Variants in HS6ST3 observed in about 807,000 individuals in gnomAD.
The protein encoded by HS6ST3 is heparan-sulfate 6-O-sulfotransferase 3.
Under a neutral mutation model 36.7 loss-of-function variants are expected in HS6ST3, and 12 were observed. The observed-to-expected ratio is 0.33, with a 90% confidence interval of 0.21 to 0.53. The LOEUF is 0.53. Among genes scored for constraint, HS6ST3 ranks in the 20% least tolerant of loss-of-function variants. The pLI is 0.95. For missense variants in HS6ST3, 584 were observed against 640.9 expected (o/e 0.91, Z 0.96); for synonymous variants, 240 against 257.5 (o/e 0.93, Z 0.65).
intron 1 of HS6ST3, among the ~76,000 whole-genome samples, chr13:96,226,552 A>T (rs1262828806): frequency 6.6e-6 from 1 of 152,198 alleles, no homozygotes. Flanking sequence ...TAAAGAAATT[A>T]AGACATTATA....
chr13:96,513,383 C>G (rs1242227326), intron 1 of HS6ST3, among the ~76,000 whole-genome samples: 1 of 152,020 alleles, frequency 6.6e-6, no homozygotes, highest in Admixed American at 6.6e-5. Context: ...CTGCTTTCTG[C>G]TCATTTGGGG....
rs539035520 is a variant in HS6ST3, at chr13:96,836,113, C to T, written c.*2915C>T. 1.3e-5 allele frequency: 2 copies of T among 152,274 alleles called. No homozygotes were observed. Among genetic ancestry groups the T allele is most frequent in the East Asian group, 3.9e-4 (2 of 5,182 alleles). The allele number at this position is 152,274 out of a possible 1,614,324, so 9.4% of individuals were successfully genotyped here. A position where few individuals can be genotyped will look rare whatever the true frequency, so the allele number is the denominator to read the frequency against. Reference sequence around the variant, plus strand: ...TGATGCCCGCAGAAGGCGTCTGGGCCTAAGGATCCATGGAAGTCAGGAGCA... The same window carrying T: ...TGATGCCCGCAGAAGGCGTCTGGGCTTAAGGATCCATGGAAGTCAGGAGCA... On this transcript the variant is annotated 3_prime_UTR_variant, in exon 2 of 2. Transcript: ENST00000376705.
chr13:96,562,562 TTAA>T (rs1311811186), intron 1 of HS6ST3, among the ~76,000 whole-genome samples: 2 of 152,092 alleles, frequency 1.3e-5, no homozygotes, highest in African/African-American at 4.8e-5. Context: ...AGAGACAATA[TTAA>T]TAATAATTAA....
chr13:96,630,119 A>G (rs558158830), intron 1 of HS6ST3, among the ~76,000 whole-genome samples: 1 of 152,164 alleles, frequency 6.6e-6, no homozygotes, highest in Admixed American at 6.5e-5. Context: ...TATTTTTTTC[A>G]TATTTCCAAG....
Position 96,346,554 on chromosome 13 carries a change from G to A in HS6ST3, c.707+254985G>A, listed in dbSNP as rs1311223974. On this transcript the variant is annotated intron_variant, in intron 1 of 1. Transcript: ENST00000376705. ...CGCGCCACTGCACTGCAGCCTGGGC[G>A]ACAGAGAGACTCCGTCTCAAAAAAA... is the stretch of plus-strand genomic sequence containing the variant. 5.5e-5 allele frequency among the ~76,000 whole-genome samples: 8 copies of A among 145,610 alleles called. No homozygotes were observed. In the East Asian group the frequency reaches 6.1e-4, roughly 11 times the overall value.
intron 1 of HS6ST3, among the ~76,000 whole-genome samples, chr13:96,378,527 A>G (rs530857661): frequency 6.6e-6 from 1 of 152,132 alleles, no homozygotes; most frequent in Non-Finnish European, 1.5e-5. Flanking sequence ...TCCCAGGGCT[A>G]TCCTGAATCT....
intron 1 of HS6ST3, among the ~76,000 whole-genome samples, chr13:96,131,311 C>G (rs2053974453): frequency 1.3e-5 from 2 of 151,862 alleles, no homozygotes; most frequent in African/African-American, 2.4e-5. Flanking sequence ...GAATGTTTTT[C>G]TTTGTTTATT....
chr13:96,660,084 C>A, intron 1 of HS6ST3, among the ~76,000 whole-genome samples: 1 of 151,922 alleles, frequency 6.6e-6, no homozygotes, highest in East Asian at 1.9e-4. Flanking sequence ...TCATAATGCA[C>A]CCTCATTTCA....
intron 1 of HS6ST3, among the ~76,000 whole-genome samples, chr13:96,741,396 T>A (rs1433107190): frequency 6.6e-6 from 1 of 152,224 alleles, no homozygotes; most frequent in Non-Finnish European, 1.5e-5. Context: ...TTATTATTAT[T>A]TTGATTAGCT....
intron 1 of HS6ST3, among the ~76,000 whole-genome samples, chr13:96,225,720 A>G (rs2054477277): frequency 6.6e-6 from 1 of 152,182 alleles, no homozygotes; most frequent in Non-Finnish European, 1.5e-5. Flanking sequence ...TTATCTGGCA[A>G]TTCTATTTAC....
At chr13:96,159,216 G>A (rs2054124920) in intron 1 of HS6ST3, among the ~76,000 whole-genome samples, 2 of 152,108 alleles carry the variant, frequency 1.3e-5, no homozygotes, top group South Asian at 4.2e-4. Flanking sequence ...CTCCAAGACA[G>A]GAAGGAAAGA....
At chr13:96,092,937 G>T (rs2053772281) in intron 1 of HS6ST3, among the ~76,000 whole-genome samples, 1 of 152,118 alleles carries the variant, frequency 6.6e-6, no homozygotes, top group East Asian at 1.9e-4. Flanking sequence ...CGGATCCTTT[G>T]CTTTTAAATA....
chr13:96,365,451 A>G (rs1401404750), intron 1 of HS6ST3, among the ~76,000 whole-genome samples: 2 of 152,232 alleles, frequency 1.3e-5, no homozygotes, highest in Non-Finnish European at 2.9e-5. Context: ...GTCTTGATCA[A>G]CCACATTTAA....
chr13:96,112,597 A>ATATATATATG (rs2053875172), intron 1 of HS6ST3, among the ~76,000 whole-genome samples: 1 of 82,560 alleles, frequency 1.2e-5, no homozygotes, highest in African/African-American at 4.4e-5. Context: ...ATATATATAT[A>ATATATATATG]TATATATATA....
At chr13:96,692,314 T>G (rs1180288682) in intron 1 of HS6ST3, among the ~76,000 whole-genome samples, 1 of 152,190 alleles carries the variant, frequency 6.6e-6, no homozygotes, top group Non-Finnish European at 1.5e-5. Flanking sequence ...TCTAGATTAC[T>G]TATATTACCT....
intron 1 of HS6ST3, among the ~76,000 whole-genome samples, chr13:96,101,784 G>C (rs2053819479): frequency 6.6e-6 from 1 of 152,138 alleles, no homozygotes; most frequent in Non-Finnish European, 1.5e-5. Flanking sequence ...CATCCATGGA[G>C]AATATACCAA....
intron 1 of HS6ST3, among the ~76,000 whole-genome samples, chr13:96,137,436 ATTT>A (rs56884747): frequency 0.021 from 2,916 of 141,470 alleles, 81 homozygotes; most frequent in African/African-American, 0.07. Context: ...AATCCTGAAC[ATTT>A]TTTTTTTTTT....
chr13:96,106,322 T>A (rs564855057), intron 1 of HS6ST3, among the ~76,000 whole-genome samples: 1 of 152,216 alleles, frequency 6.6e-6, no homozygotes, highest in Non-Finnish European at 1.5e-5. Flanking sequence ...GGACTGTGGC[T>A]TTTGTTTCAG....
At chr13:96,419,855 G>A (rs1441751745) in intron 1 of HS6ST3, among the ~76,000 whole-genome samples, 1 of 152,094 alleles carries the variant, frequency 6.6e-6, no homozygotes, top group Non-Finnish European at 1.5e-5. Context: ...AAGGACACCA[G>A]TTTTGTTGCT....
Sources: allele counts gnomAD v4.1 joint callset (sites outside exome capture counted in the v4.1 genomes callset), GRCh38; gene constraint gnomAD v4.1.1; transcripts MANE v1.5; gene names NCBI Gene and HGNC (gene_info 2026-07-23, HGNC 2026-07-21).